Variants in OTOS observed in about 807,000 individuals in gnomAD.
The protein encoded by OTOS is otospiralin.
Under a neutral mutation model 12.5 loss-of-function variants are expected in OTOS, and 14 were observed. The ratio of observed to expected loss-of-function variants is 1.12; its 90% confidence interval spans 0.74 to 1.76. The LOEUF is 1.76. OTOS is among the 40% of genes most tolerant of loss of function. The pLI, the probability that OTOS is intolerant of heterozygous loss-of-function variation, is 0.00. For missense variants in OTOS, 141 were observed against 112.8 expected, an observed-to-expected ratio of 1.25 and a Z score of -1.13; for synonymous variants, 49 against 47.6, an observed-to-expected ratio of 1.03 and a Z score of -0.12.
Position 240,139,187 on chromosome 2 carries a change from G to C in OTOS, c.253C>G (p.Pro85Ala). 6.2e-7 allele frequency: 1 copy of C among 1,613,752 alleles called. No homozygotes were observed. The highest frequency in any genetic ancestry group is 8.5e-7 in the Non-Finnish European group (1 of 1,179,880). The change falls in exon 4 of 4, where the codon CCC (proline) becomes GCC (alanine). Residue 85 changes from proline (P) to alanine (A), a missense_variant. Pro to Ala is a conservative substitution (Grantham distance 27). Transcript: ENST00000319460. ...GACACCATTCAGTCCTCCTGATAGG[G>C]AACGTGGAAGCCCAGCGTGCTCCCC... ...PLGSTLGFHV[P>A]YQED
Position 240,140,323 on chromosome 2 carries a change from G to A in OTOS, c.4C>T (p.Gln2Ter), listed in dbSNP as rs370361034. The A allele has an allele frequency of 2.3e-5, 37 of 1,587,896 alleles. No homozygotes were observed. The African/African-American group carries it at 4.6e-4, about 20-fold the overall frequency. The change falls in exon 2 of 4, where the codon CAG becomes TAG. Residue 2 changes from glutamine to a stop codon, truncating the protein, a stop_gained. Transcript: ENST00000319460. LOFTEE classifies it high-confidence loss of function. The part of the protein sequence containing the change: M[Q>*]ACMVPGLALC... ...GCCAGCCCCGGCACCATGCAGGCCT[G>A]CATCTTCCCGGTGCTTCCTGATCTG...
In OTOS at chr2:240,140,069, C is replaced by G; in HGVS notation, c.78G>C (p.Glu26Asp). The G allele has an allele frequency of 1.9e-6, 3 of 1,613,556 alleles. No individual in the cohort carries two copies. Among genetic ancestry groups the G allele is most frequent in the Middle Eastern group, 1.7e-4 (1 of 6,046 alleles). Residue 26 changes from glutamate (E) to aspartate (D), a missense_variant, in exon 3 of 4, where the codon GAG (glutamate) becomes GAC (aspartate). Coordinates refer to ENST00000319460, the MANE Select transcript of OTOS (RefSeq NM_148961.4). ...GPLAGAKPVQ[E>D]EGDPYAELPA... is the part of the protein sequence containing the mutation. ...GAAATTGGAGAACGGTACCTCCTTC[C>G]TCCTGCACAGGCTTGGCCCCTGCAA...
Position 240,139,410 on chromosome 2 carries a change from C to T in OTOS, c.86-56G>A, listed in dbSNP as rs570471036. 1.6e-4 allele frequency: 250 copies of T among 1,539,606 alleles called. 5 individuals are homozygous for T. In the South Asian group the frequency reaches 2.9e-3, roughly 18 times the overall value. On this transcript the variant is annotated intron_variant, in intron 3 of 3. Transcript: ENST00000319460. ...CTGTCCCCATGGTCCTGCCTGGAGA[C>T]ACCATCCTCAGAGGTCTCAAGGCAA...
chr2:240,139,914 G>T, intron 3 of OTOS, 148 bp downstream of exon 3: 2 of 890,952 alleles, frequency 2.2e-6, no homozygotes, highest in Non-Finnish European at 3.4e-6. Flanking sequence ...GCTCTCAAGG[G>T]CCATGTTTTC....
intron 2 of OTOS, 32 bp from the exon 3 acceptor site, chr2:240,140,120 AGGACCACCCAGGTGCCGGTTG>A (rs2072042004): frequency 6.2e-7 from 1 of 1,611,932 alleles, no homozygotes; most frequent in Admixed American, 1.7e-5. Flanking sequence ...GTCACCCAGG[AGGACCACCCAGGTGCCGGTTG>A]GGCCCACCCG....
chr2:240,139,203 C>T lies in OTOS; in HGVS notation c.237G>A (p.Thr79=), dbSNP rs36016310. The T allele has an allele frequency of 1.3e-3, 2,153 of 1,613,672 alleles. 17 individuals carry two copies. In the African/African-American group the frequency reaches 0.025, roughly 19 times the overall value. ...TFFAHFPLGS[T]LGFHVPYQED ...CCTGATAGGGAACGTGGAAGCCCAG[C>T]GTGCTCCCCAGGGGGAAGTGGGCAA... Residue 79 remains threonine, a synonymous_variant, in exon 4 of 4, where the codon ACG becomes ACA. Transcript: ENST00000319460.
At position 240,140,323 on chromosome 2, in the gene OTOS, G is replaced by C. The variant is rs370361034; in HGVS notation, c.4C>G (p.Gln2Glu). ...GCCAGCCCCGGCACCATGCAGGCCTGCATCTTCCCGGTGCTTCCTGATCTG... is the reference window on the plus strand; with the variant it reads ...GCCAGCCCCGGCACCATGCAGGCCTCCATCTTCCCGGTGCTTCCTGATCTG... Reference protein sequence around the residue: MQACMVPGLALC... With the variant: MEACMVPGLALC... The change falls in exon 2 of 4, where the codon CAG (glutamine) becomes GAG (glutamate). Residue 2 changes from glutamine (Q) to glutamate (E), a missense_variant. Gln to Glu is a conservative substitution (Grantham distance 29). Transcript: ENST00000319460. The C allele has an allele frequency of 6.3e-7, 1 of 1,587,898 alleles. No homozygotes were observed. Among genetic ancestry groups the C allele is most frequent in the Admixed American group, 1.8e-5 (1 of 56,756 alleles).
intron 3 of OTOS, among the ~76,000 whole-genome samples, chr2:240,139,570 A>G (rs370114191): frequency 1.1e-4 from 17 of 148,950 alleles, no homozygotes; most frequent in African/African-American, 4.3e-4. Context: ...AGAGGGAGGG[A>G]AGCCCTGTCC....
chr2:240,139,248 C>T lies in OTOS; in HGVS notation c.192G>A (p.Glu64=). The part of the protein sequence containing the change: ...FQALGAYPQI[E]DMARTFFAHF... ...GGGCAAAGAAGGTTCGGGCCATGTC[C>T]TCGATCTGGGGGTAGGCCCCCAGGG... The change falls in exon 4 of 4, where the codon GAG becomes GAA. Residue 64 remains glutamate, a synonymous_variant. Coordinates refer to ENST00000319460, the MANE Select transcript of OTOS (RefSeq NM_148961.4). The T allele has an allele frequency of 6.2e-7, 1 of 1,614,194 alleles. No homozygotes were observed. The highest frequency in any genetic ancestry group is 1.1e-5 in the South Asian group (1 of 91,084).
chr2:240,139,952 C>T (rs1559485230), intron 3 of OTOS, 110 bp downstream of exon 3: 23 of 1,290,538 alleles, frequency 1.8e-5, no homozygotes, highest in Non-Finnish European at 2.5e-5. Context: ...TGAGCCAGGG[C>T]CCCTGATGCG....
Position 240,139,342 on chromosome 2 carries a change from T to G in OTOS, c.98A>C (p.Glu33Ala), listed in dbSNP as rs2072032413. 1.2e-6 allele frequency: 2 copies of G among 1,613,190 alleles called. No individual in the cohort carries two copies. Among genetic ancestry groups the G allele is most frequent in the African/African-American group, 2.7e-5 (2 of 74,914 alleles). Residue 33 changes from glutamate (E) to alanine (A), a missense_variant, in exon 4 of 4, where the codon GAG becomes GCG. Coordinates refer to ENST00000319460, the MANE Select transcript of OTOS (RefSeq NM_148961.4). The stretch of plus-strand genomic sequence containing the variant: ...AGGCCAGTAGGGCATGGCCGGCAGC[T>G]CCGCGTAAGGGTCTGAAAGACACAA... ...PVQEEGDPYA[E>A]LPAMPYWPFS...
intron 3 of OTOS, among the ~76,000 whole-genome samples, chr2:240,139,818 C>T (rs1289127843): frequency 6.6e-6 from 1 of 152,188 alleles, no homozygotes; most frequent in Non-Finnish European, 1.5e-5. Context: ...CTGGCTCCCC[C>T]TGCCCAGTGT....
At chr2:240,139,964 C>CG in intron 3 of OTOS, 98 bp downstream of exon 3, 2 of 1,426,758 alleles carry the variant, frequency 1.4e-6, no homozygotes, top group Non-Finnish European at 1.9e-6. Flanking sequence ...CCTGATGCGT[C>CG]TGCTTGGGAT....
chr2:240,139,719 G>A (rs1426903425), intron 3 of OTOS, among the ~76,000 whole-genome samples: 1 of 152,184 alleles, frequency 6.6e-6, no homozygotes, highest in Non-Finnish European at 1.5e-5. Flanking sequence ...CAGCCCTGAA[G>A]ATACTGGACT....
At chr2:240,139,416 C>T (rs979602707) in intron 3 of OTOS, 62 bp from the exon 4 acceptor site, 7 of 1,515,158 alleles carry the variant, frequency 4.6e-6, no homozygotes, top group African/African-American at 2.8e-5. Flanking sequence ...GAGACACCAT[C>T]CTCAGAGGTC....
chr2:240,139,842 TG>T (rs1431304691), intron 3 of OTOS, among the ~76,000 whole-genome samples: 1 of 152,078 alleles, frequency 6.6e-6, no homozygotes, highest in African/African-American at 2.4e-5. Context: ...CCCTGGTGGC[TG>T]GAGGGCAGGG....
chr2:240,140,364 T>G lies in OTOS; in HGVS notation c.-38A>C. 6.5e-7 allele frequency: 1 copy of G among 1,538,050 alleles called. No individual in the cohort carries two copies. The highest frequency in any genetic ancestry group is 2.0e-5 in the Admixed American group (1 of 50,826). On this transcript the variant is annotated 5_prime_UTR_variant, in exon 2 of 4. Coordinates refer to ENST00000319460, the MANE Select transcript of OTOS (RefSeq NM_148961.4). ...TCCTGATCTGCGACTCAGGCCCACC[T>G]GCAGCAGGATGAACCCAGGAAGGGC...
intron 2 of OTOS, 77 bp downstream of exon 2, chr2:240,140,192 G>C: frequency 6.3e-7 from 1 of 1,591,324 alleles, no homozygotes; most frequent in Non-Finnish European, 8.6e-7. Flanking sequence ...GCAGCCTGGG[G>C]ATGCATGCGG....
rs1339984167 is a variant in OTOS, at chr2:240,140,108, C to G, written c.59-20G>C. ...TGGCCCCTGCAAAGGAAGAGAAGAG[C>G]TGTCACCCAGGAGGACCACCCAGGT... On this transcript the variant is annotated intron_variant, in intron 2 of 3. Transcript: ENST00000319460. 1.9e-6 allele frequency: 3 copies of G among 1,613,136 alleles called. No homozygotes were observed. In the Admixed American group the frequency reaches 5.0e-5, roughly 27 times the overall value.
Sources: gnomAD v4.1 joint callset for allele counts (sites outside exome capture counted in the v4.1 genomes callset) on GRCh38, gnomAD v4.1.1 for gene constraint, MANE v1.5 for transcripts, NCBI Gene and HGNC (gene_info 2026-07-23, HGNC 2026-07-21) for gene names.